The following TNPO1 variants were observed in gnomAD, a reference collection of about 807,000 sequenced individuals.
TNPO1 encodes transportin-1.
A neutral mutation model predicts 119.5 loss-of-function variants in TNPO1; 8 were observed. The observed-to-expected ratio is 0.07, with a 90% CI of 0.04 to 0.12. The LOEUF is 0.12. Ranked by LOEUF, TNPO1 falls within the 10% of genes least tolerant of loss-of-function variation. TNPO1 has a pLI of 1.00. For missense variants in TNPO1, 576 were observed against 1,089.8 expected, an observed-to-expected ratio of 0.53 and a Z score of 6.64; for synonymous variants, 362 against 363.0, an observed-to-expected ratio of 1.00 and a Z score of 0.03.
chr5:72,866,844 C>T (rs1052650687), intron 6 of TNPO1, among the ~76,000 whole-genome samples: 8 of 151,850 alleles, frequency 5.3e-5, no homozygotes, highest in Admixed American at 5.2e-4. Flanking sequence ...TATTTTTTCA[C>T]GATTTTTATT....
In TNPO1 at chr5:72,875,734, T is replaced by G. The variant is rs773733637; in HGVS notation, c.798T>G (p.Val266=). The G allele has an allele frequency of 6.2e-7, 1 of 1,601,368 alleles. No individual in the cohort carries two copies. Among genetic ancestry groups the G allele is most frequent in the African/African-American group, 1.3e-5 (1 of 74,886 alleles). Residue 266 remains valine (V), a synonymous_variant, in exon 8 of 25, where the codon GTT becomes GTG. Transcript: ENST00000337273. ...DRLLPHMHNI[V]EYMLQRTQDQ... The stretch of plus-strand genomic sequence containing the variant: ...TGCTTCCTCACATGCATAATATAGT[T>G]GAGGTAACACTGGCAATTTAAAGGC...
chr5:72,843,801 T>A (rs776831898), intron 1 of TNPO1, among the ~76,000 whole-genome samples: 6 of 152,032 alleles, frequency 3.9e-5, no homozygotes, highest in Non-Finnish European at 7.4e-5. Context: ...ATGGAAAAAA[T>A]TTTAATTGAA....
At chr5:72,818,939 T>G (rs1378619659) in intron 1 of TNPO1, among the ~76,000 whole-genome samples, 1 of 152,196 alleles carries the variant, frequency 6.6e-6, no homozygotes, top group African/African-American at 2.4e-5. Context: ...CTGTTGAGTG[T>G]TGGCAGGTGA....
intron 20 of TNPO1, 117 bp from the exon 21 acceptor site, chr5:72,899,889 G>A (rs1579935427): frequency 1.3e-6 from 1 of 775,950 alleles, no homozygotes; most frequent in African/African-American, 1.8e-5. Context: ...CACAAATTCT[G>A]TTGGTTTCTG....
At chr5:72,873,789 T>A (rs1281446845) in intron 7 of TNPO1, among the ~76,000 whole-genome samples, 1 of 152,122 alleles carries the variant, frequency 6.6e-6, no homozygotes, top group Non-Finnish European at 1.5e-5. Flanking sequence ...ATATCATCTG[T>A]AAAATGAGTC....
intron 3 of TNPO1, among the ~76,000 whole-genome samples, chr5:72,852,192 CTTAATT>C (rs1745633185): frequency 6.6e-6 from 1 of 152,074 alleles, no homozygotes; most frequent in Non-Finnish European, 1.5e-5. Context: ...TTTCATGACT[CTTAATT>C]TTAAATTTAA....
chr5:72,839,668 TTTTTCTG>T (rs545821845), intron 1 of TNPO1, among the ~76,000 whole-genome samples: 182 of 152,352 alleles, frequency 1.2e-3, no homozygotes, highest in African/African-American at 4.2e-3. Flanking sequence ...TTCTGTTGTC[TTTTTCTG>T]TTTTCTGTTA....
In TNPO1 at chr5:72,911,826, T is replaced by C. The variant is rs1285901130; in HGVS notation, c.*3153T>C. The stretch of plus-strand genomic sequence containing the variant: ...GTAGGAACCTCAGGAGGTCAGTGTT[T>C]ACTGTTTTATATATGCCTTCTTTTT... On this transcript the variant is annotated 3_prime_UTR_variant, in exon 25 of 25. Coordinates refer to ENST00000337273, the MANE Select transcript of TNPO1 (RefSeq NM_002270.4). 1 of 152,566 alleles carries C rather than the reference T, an allele frequency of 6.6e-6. No individual in the cohort carries two copies. The highest frequency in any genetic ancestry group is 1.5e-5 in the Non-Finnish European group (1 of 67,948). The allele number at this position is 152,566 out of a possible 1,614,324, so 9.5% of individuals were successfully genotyped here.
chr5:72,864,801 G>C (rs939732012), intron 5 of TNPO1, among the ~76,000 whole-genome samples: 1 of 151,818 alleles, frequency 6.6e-6, no homozygotes, highest in South Asian at 2.1e-4. Context: ...TAGAGACAGG[G>C]TTTCACCATG....
At chr5:72,891,717 T>C in intron 14 of TNPO1, 93 bp from the exon 15 acceptor site, 1 of 900,532 alleles carries the variant, frequency 1.1e-6, no homozygotes, top group Non-Finnish European at 1.7e-6. Context: ...TTTTACACAA[T>C]TGCTCAAAAT....
At chr5:72,877,386 T>C in intron 9 of TNPO1, 40 bp downstream of exon 9, 1 of 930,310 alleles carries the variant, frequency 1.1e-6, no homozygotes, top group Non-Finnish European at 1.6e-6. Context: ...TGTTCTTTAA[T>C]TTCTTAAGTG....
intron 6 of TNPO1, among the ~76,000 whole-genome samples, chr5:72,868,124 G>A (rs527379084): frequency 6.6e-6 from 1 of 152,114 alleles, no homozygotes; most frequent in African/African-American, 2.4e-5. Flanking sequence ...AATGTTAAGG[G>A]CTTTTTGACA....
chr5:72,911,508 T>A lies in TNPO1; in HGVS notation c.*2835T>A, dbSNP rs1750562261. ...ATTTGCAGAAGCCATTTAAGTTATC[T>A]TTTGAGGTAAGCTCTGATTTAGCAT... On this transcript the variant is annotated 3_prime_UTR_variant, in exon 25 of 25. Transcript: ENST00000337273. 6.6e-6 allele frequency: 1 copy of A among 152,564 alleles called. No individual in the cohort carries two copies. The highest frequency in any genetic ancestry group is 6.5e-5 in the Admixed American group (1 of 15,268). 9.5% of individuals were successfully genotyped at this position (152,564 alleles called of 1,614,324 possible).
intron 9 of TNPO1, among the ~76,000 whole-genome samples, chr5:72,877,866 A>G (rs1747920213): frequency 6.6e-6 from 1 of 152,080 alleles, no homozygotes; most frequent in Admixed American, 6.6e-5. Flanking sequence ...GTCATCTTTT[A>G]ATGTTCTTTT....
At chr5:72,851,413 A>G in intron 3 of TNPO1, 94 bp downstream of exon 3, 1 of 757,364 alleles carries the variant, frequency 1.3e-6, no homozygotes, top group Non-Finnish European at 2.2e-6. Flanking sequence ...TTCATTTTGT[A>G]GTAACCTTGT....
At chr5:72,886,924 T>A (rs562445227) in intron 11 of TNPO1, 146 bp from the exon 12 acceptor site, 15 of 679,756 alleles carry the variant, frequency 2.2e-5, no homozygotes, top group Non-Finnish European at 3.2e-5. Flanking sequence ...ACAAAATGTT[T>A]TCACGTGACA....
intron 1 of TNPO1, 144 bp from the exon 2 acceptor site, chr5:72,848,241 A>C (rs1745235214): frequency 7.1e-6 from 9 of 1,260,324 alleles, no homozygotes; most frequent in Non-Finnish European, 9.0e-6. Context: ...CCTTCGGGGC[A>C]CCTCAGGCAG....
chr5:72,833,842 A>T (rs1296483263), intron 1 of TNPO1, among the ~76,000 whole-genome samples: 1 of 152,176 alleles, frequency 6.6e-6, no homozygotes, highest in African/African-American at 2.4e-5. Flanking sequence ...TAATGTGAAC[A>T]CTTACAGAAT....
At chr5:72,879,741 A>G (rs1415914683) in intron 9 of TNPO1, among the ~76,000 whole-genome samples, 4 of 152,242 alleles carry the variant, frequency 2.6e-5, no homozygotes, top group South Asian at 2.1e-4. Flanking sequence ...ATCAACATCA[A>G]TCTGATGCTG....
Sources: allele counts gnomAD v4.1 joint callset (sites outside exome capture counted in the v4.1 genomes callset), GRCh38; gene constraint gnomAD v4.1.1; transcripts MANE v1.5; gene names NCBI Gene and HGNC (gene_info 2026-07-23, HGNC 2026-07-21).